Variants in ERGIC2 observed in about 807,000 individuals in gnomAD.
ERGIC2 encodes the protein endoplasmic reticulum-Golgi intermediate compartment protein 2.
ERGIC2 carries 31 observed loss-of-function variants against 52.5 expected under a neutral mutation model. The ratio of observed to expected loss-of-function variants is 0.59; its 90% CI spans 0.44 to 0.80. ERGIC2 has a LOEUF of 0.80. Among genes scored for constraint, ERGIC2 ranks in the 30% least tolerant of loss-of-function variants. The pLI is 0.00. For synonymous variants in ERGIC2, 129 were observed against 140.6 expected (o/e 0.92, Z 0.58); for missense variants, 395 against 455.2 (o/e 0.87, Z 1.20).
intron 2 of ERGIC2, among the ~76,000 whole-genome samples, chr12:29,370,425 A>G (rs1940425593): frequency 6.6e-6 from 1 of 152,000 alleles, no homozygotes; most frequent in African/African-American, 2.4e-5. Context: ...AAGGTTTAAT[A>G]TATACAAATA....
chr12:29,363,835 G>T (rs1262415173), intron 5 of ERGIC2, among the ~76,000 whole-genome samples: 1 of 129,568 alleles, frequency 7.7e-6, no homozygotes, highest in Non-Finnish European at 1.6e-5. Flanking sequence ...TCATAAATGT[G>T]AAAAAAAAAA....
intron 5 of ERGIC2, 118 bp downstream of exon 5, chr12:29,366,759 T>C (rs1345942664): frequency 3.7e-6 from 2 of 535,278 alleles, no homozygotes; most frequent in Non-Finnish European, 6.4e-6. Context: ...TGGATTACTT[T>C]TGAAATAAAA....
chr12:29,342,512 G>A (rs571818878), intron 12 of ERGIC2, among the ~76,000 whole-genome samples: 1 of 152,314 alleles, frequency 6.6e-6, no homozygotes, highest in East Asian at 1.9e-4. Flanking sequence ...GACTGAAGAT[G>A]AAAATAGAAT....
rs1949820071 is a variant in ERGIC2 at position 29,339,249 on chromosome 12, A to G, written c.*1907T>C. The G allele has an allele frequency of 6.6e-6, 1 of 152,230 alleles. No homozygotes were observed. The highest frequency in any genetic ancestry group is 2.4e-5 in the African/African-American group (1 of 41,452). The allele number at this position is 152,230 out of a possible 1,614,324, so 9.4% of individuals were successfully genotyped here. Reference sequence around the variant, plus strand: ...ATTTGGAAAATACGAAAACAATTAAAAATCATATATAAGTATCAAAATAAT... The same window carrying G: ...ATTTGGAAAATACGAAAACAATTAAGAATCATATATAAGTATCAAAATAAT... On this transcript the variant is annotated 3_prime_UTR_variant, in exon 14 of 14. Transcript: ENST00000360150.
At chr12:29,375,167 A>G (rs1056208448) in intron 1 of ERGIC2, among the ~76,000 whole-genome samples, 2 of 152,150 alleles carry the variant, frequency 1.3e-5, no homozygotes, top group Non-Finnish European at 2.9e-5. Flanking sequence ...CAGTCTACTC[A>G]TCTCTACCTT....
intron 13 of ERGIC2, 137 bp from the exon 14 acceptor site, chr12:29,341,355 A>G (rs1413207719): frequency 2.8e-6 from 2 of 703,640 alleles, no homozygotes; most frequent in African/African-American, 3.6e-5. Context: ...CTCTCCCCCT[A>G]TTTCTCTATC....
chr12:29,369,952 G>A (rs1229842317), intron 3 of ERGIC2, among the ~76,000 whole-genome samples, 162 bp downstream of exon 3: 1 of 151,892 alleles, frequency 6.6e-6, no homozygotes, highest in Non-Finnish European at 1.5e-5. Context: ...ATTCTAAAAG[G>A]TTTCACTTAA....
At chr12:29,359,876 G>A (rs1012892964) in intron 6 of ERGIC2, among the ~76,000 whole-genome samples, 3 of 151,794 alleles carry the variant, frequency 2.0e-5, no homozygotes, top group African/African-American at 7.3e-5. Context: ...GGTGGGAGAC[G>A]GAAGCACTTA....
At chr12:29,356,529 TATG>T in intron 7 of ERGIC2, 52 bp from the exon 8 acceptor site, 1 of 950,878 alleles carries the variant, frequency 1.1e-6, no homozygotes, top group Non-Finnish European at 1.6e-6. Context: ...GTTACCATTT[TATG>T]ATGAGAAAAA....
rs956988979 is a variant in ERGIC2 at position 29,343,105 on chromosome 12, G to A, written c.988+15C>T. The A allele has an allele frequency of 1.9e-6, 3 of 1,560,684 alleles. No homozygotes were observed. The highest frequency in any genetic ancestry group is 1.4e-5 in the African/African-American group (1 of 73,078). On this transcript the variant is annotated intron_variant, in intron 12 of 13. Coordinates refer to ENST00000360150, the MANE Select transcript of ERGIC2 (RefSeq NM_016570.3). ...ACACTTTCAGAAATTAGACAAAAAG[G>A]AAATGGTTGTTAACCTGTTGTTGAA...
In ERGIC2 at chr12:29,338,353, G is replaced by C. The variant is rs1457047941; in HGVS notation, c.*2803C>G. 1.3e-5 allele frequency: 2 copies of C among 151,714 alleles called. No homozygotes were observed. Among genetic ancestry groups the C allele is most frequent in the Non-Finnish European group, 2.9e-5 (2 of 67,898 alleles). The allele number at this position is 151,714 out of a possible 1,614,324, so 9.4% of individuals were successfully genotyped here. A position where few individuals can be genotyped will look rare whatever the true frequency, so the allele number is the denominator to read the frequency against. ...TAATCATCTAACTTGAGAACTAGAA[G>C]TAATTTGGGTGCCAGGTGCAGTGGC... On this transcript the variant is annotated 3_prime_UTR_variant, in exon 14 of 14. Coordinates refer to ENST00000360150, the MANE Select transcript of ERGIC2 (RefSeq NM_016570.3).
intron 8 of ERGIC2, among the ~76,000 whole-genome samples, chr12:29,350,663 T>C (rs1940118586): frequency 6.6e-6 from 1 of 152,138 alleles, no homozygotes; most frequent in East Asian, 1.9e-4. Flanking sequence ...TGCAGATTAA[T>C]AACTTCCAAT....
chr12:29,358,122 T>C (rs1207552804), intron 6 of ERGIC2, among the ~76,000 whole-genome samples: 1 of 152,194 alleles, frequency 6.6e-6, no homozygotes, highest in African/African-American at 2.4e-5. Flanking sequence ...GGCTACACAA[T>C]GGACTTGATG....
At chr12:29,366,818 C>T (rs1416125422) in intron 5 of ERGIC2, 59 bp downstream of exon 5, 1 of 1,002,312 alleles carries the variant, frequency 1.0e-6, no homozygotes, top group Non-Finnish European at 1.5e-6. Flanking sequence ...AACTATCTGT[C>T]TTCAAGCGTA....
rs866477049 is a variant in ERGIC2 at position 29,343,339 on chromosome 12, T to G, written c.826-57A>C. On this transcript the variant is annotated intron_variant, in intron 11 of 13. Transcript: ENST00000360150. ...AGGAGGAAGAGAGAAACAGAATTCA[T>G]GTCATCTGGTTACTTACATACATTC... 11 of 1,396,146 alleles carry G rather than the reference T, an allele frequency of 7.9e-6. No individual in the cohort carries two copies. The Middle Eastern group carries it at 5.6e-4, about 71-fold the overall frequency. 86.5% of individuals were successfully genotyped at this position (1,396,146 alleles called of 1,614,324 possible). A position where few individuals can be genotyped will look rare whatever the true frequency, so the allele number is the denominator to read the frequency against.
At chr12:29,353,793 C>CA (rs1565538505) in intron 8 of ERGIC2, among the ~76,000 whole-genome samples, 3 of 151,570 alleles carry the variant, frequency 2.0e-5, no homozygotes, top group African/African-American at 4.8e-5. Context: ...GCATCTTCTT[C>CA]AAAAAATTAA....
chr12:29,365,494 A>G (rs77379340), intron 5 of ERGIC2, among the ~76,000 whole-genome samples: 4 of 151,866 alleles, frequency 2.6e-5, no homozygotes, highest in Non-Finnish European at 5.9e-5. Flanking sequence ...TTGAAAAACT[A>G]CTAGTTATTA....
At chr12:29,366,824 G>C in intron 5 of ERGIC2, 53 bp downstream of exon 5, 1 of 1,060,310 alleles carries the variant, frequency 9.4e-7, no homozygotes, top group African/African-American at 1.6e-5. Flanking sequence ...CTGTCTTCAA[G>C]CGTACGATTC....
intron 4 of ERGIC2, among the ~76,000 whole-genome samples, chr12:29,367,178 G>A (rs1940376416): frequency 6.8e-6 from 1 of 146,704 alleles, no homozygotes; most frequent in Admixed American, 6.7e-5. Context: ...TTCTTACCCA[G>A]TAAAAAACTT....
Sources: allele counts gnomAD v4.1 joint callset (sites outside exome capture counted in the v4.1 genomes callset), GRCh38; gene constraint gnomAD v4.1.1; transcripts MANE v1.5; gene names NCBI Gene and HGNC (gene_info 2026-07-23, HGNC 2026-07-21).